Variants in FHOD3 observed in about 807,000 individuals in gnomAD.
The protein encoded by FHOD3 is FH1/FH2 domain-containing protein 3.
A neutral mutation model predicts 173.0 loss-of-function variants in FHOD3; 90 were observed. That is an observed-to-expected ratio of 0.52 (90% CI 0.44 to 0.62). FHOD3 has a LOEUF of 0.62. Among genes scored for constraint, FHOD3 ranks in the 20% least tolerant of loss-of-function variants. The pLI is 0.00. For missense variants in FHOD3, 1,945 were observed against 2,034.7 expected, an observed-to-expected ratio of 0.96 and a Z score of 0.85; for synonymous variants, 828 against 823.0, an observed-to-expected ratio of 1.01 and a Z score of -0.10.
At chr18:36,354,826 T>A (rs542670555) in intron 1 of FHOD3, among the ~76,000 whole-genome samples, 84 of 146,212 alleles carry the variant, frequency 5.7e-4, no homozygotes, top group Admixed American at 2.7e-3. Context: ...AAAATAAAAA[T>A]TTTTAAAAAT....
intron 20 of FHOD3, among the ~76,000 whole-genome samples, chr18:36,736,850 A>G (rs1210078495): frequency 1.3e-5 from 2 of 152,062 alleles, no homozygotes; most frequent in Non-Finnish European, 2.9e-5. Context: ...TTTGCCAGGC[A>G]CCCCACCCTT....
intron 3 of FHOD3, among the ~76,000 whole-genome samples, chr18:36,500,666 A>G (rs539887712): frequency 2.0e-5 from 3 of 152,240 alleles, no homozygotes; most frequent in Non-Finnish European, 4.4e-5. Context: ...TTAGAGATGT[A>G]AAGTGTTTTG....
chr18:36,717,769 A>G, intron 18 of FHOD3, 63 bp from the exon 19 acceptor site: 1 of 1,509,842 alleles, frequency 6.6e-7, no homozygotes, highest in Non-Finnish European at 8.9e-7. Context: ...ATTCTCATCG[A>G]TTCTCTCATG....
chr18:36,594,424 CAG>C (rs1491175980), intron 6 of FHOD3, among the ~76,000 whole-genome samples: 1 of 152,146 alleles, frequency 6.6e-6, no homozygotes, highest in Non-Finnish European at 1.5e-5. Context: ...GTCTACCTCA[CAG>C]TGTTATAGCT....
intron 28 of FHOD3, among the ~76,000 whole-genome samples, chr18:36,770,873 G>A (rs1318226824): frequency 6.6e-6 from 1 of 152,158 alleles, no homozygotes. Flanking sequence ...GGCATTAGGT[G>A]TGGGCTCTCT....
intron 1 of FHOD3, among the ~76,000 whole-genome samples, chr18:36,300,763 G>A (rs2091939555): frequency 6.6e-6 from 1 of 151,884 alleles, no homozygotes; most frequent in East Asian, 1.9e-4. Flanking sequence ...TTTGTGACAG[G>A]GTCTCACTCT....
At chr18:36,607,812 A>G (rs1238138397) in intron 8 of FHOD3, among the ~76,000 whole-genome samples, 2 of 152,134 alleles carry the variant, frequency 1.3e-5, no homozygotes, top group Non-Finnish European at 2.9e-5. Context: ...GGACATTGAC[A>G]TATTTCAGCC....
chr18:36,449,207 G>A (rs1481471525), intron 3 of FHOD3, among the ~76,000 whole-genome samples: 2 of 151,930 alleles, frequency 1.3e-5, no homozygotes, highest in African/African-American at 2.4e-5. Flanking sequence ...CACCTTAGAA[G>A]CTGCCTATAC....
chr18:36,483,920 A>G (rs1400864410), intron 3 of FHOD3, among the ~76,000 whole-genome samples: 1 of 152,186 alleles, frequency 6.6e-6, no homozygotes, highest in Non-Finnish European at 1.5e-5. Flanking sequence ...ACATGCCCCG[A>G]GGTCAGTGGT....
intron 3 of FHOD3, among the ~76,000 whole-genome samples, chr18:36,430,149 A>T (rs2050454231): frequency 6.6e-6 from 1 of 152,174 alleles, no homozygotes; most frequent in Non-Finnish European, 1.5e-5. Flanking sequence ...GGTGTTAATG[A>T]TCTAAATTAC....
intron 19 of FHOD3, among the ~76,000 whole-genome samples, chr18:36,719,199 T>C (rs1178693865): frequency 6.6e-6 from 1 of 152,232 alleles, no homozygotes; most frequent in Non-Finnish European, 1.5e-5. Flanking sequence ...TTGGCCCTGA[T>C]CAAGCCAGCA....
chr18:36,661,145 A>G (rs963506647), intron 14 of FHOD3, among the ~76,000 whole-genome samples: 2 of 151,466 alleles, frequency 1.3e-5, no homozygotes, highest in Admixed American at 1.3e-4. Flanking sequence ...AAATAAGAGG[A>G]TCTTCTAACT....
At position 36,742,809 on chromosome 18, in the gene FHOD3, A is replaced by G. The variant is rs752864429; in HGVS notation, c.3832A>G (p.Ile1278Val). 1.9e-6 allele frequency: 3 copies of G among 1,614,082 alleles called. No homozygotes were observed. In the South Asian group the frequency reaches 3.3e-5, roughly 18 times the overall value. ...QLENNKTLGFILSTLLAIGNF... is the reference protein window; with the variant it reads ...QLENNKTLGFVLSTLLAIGNF... ...GGAGAACAATAAAACCTTGGGCTTT[A>G]TCCTGTCTACTCTCTTAGCCATTGG... The change falls in exon 22 of 29, where the codon ATC (isoleucine) becomes GTC (valine). Residue 1278 changes from isoleucine (I) to valine (V), a missense_variant. Ile to Val is a conservative substitution (Grantham distance 29). Coordinates refer to ENST00000590592, the MANE Select transcript of FHOD3 (RefSeq NM_001281740.3).
intron 5 of FHOD3, among the ~76,000 whole-genome samples, chr18:36,516,378 G>A (rs972558636): frequency 6.6e-6 from 1 of 152,188 alleles, no homozygotes; most frequent in African/African-American, 2.4e-5. Flanking sequence ...GGGGGGAGAG[G>A]CAGACTGTGG....
At chr18:36,326,077 T>C (rs2044657608) in intron 1 of FHOD3, among the ~76,000 whole-genome samples, 1 of 152,250 alleles carries the variant, frequency 6.6e-6, no homozygotes, top group South Asian at 2.1e-4. Context: ...TCAAGCCATG[T>C]CCAGCTTTTG....
At chr18:36,751,101 C>T (rs546823852) in intron 24 of FHOD3, among the ~76,000 whole-genome samples, 1 of 152,344 alleles carries the variant, frequency 6.6e-6, no homozygotes, top group African/African-American at 2.4e-5. Flanking sequence ...ACTAATCCTT[C>T]CAATTCATGA....
At chr18:36,399,237 A>G (rs2048691518) in intron 3 of FHOD3, among the ~76,000 whole-genome samples, 1 of 152,026 alleles carries the variant, frequency 6.6e-6, no homozygotes, top group African/African-American at 2.4e-5. Context: ...GGCCTGGCCC[A>G]ATTTCAGTGT....
rs760598098 is a variant in FHOD3, at chr18:36,671,041, T to A, written c.1836-10395T>A. Among the ~76,000 whole-genome samples the A allele has an allele frequency of 1.3e-4, 20 of 152,264 alleles. 1 individual carries two copies. The highest frequency in any genetic ancestry group is 6.2e-4 in the South Asian group (3 of 4,836). ...TATATAATTTCCAGACACTGTTTGC[T>A]CTAATTCATTTGGATAGTTCTTTCA... is the stretch of plus-strand genomic sequence containing the variant. On this transcript the variant is annotated intron_variant, in intron 14 of 28. Coordinates refer to ENST00000590592, the MANE Select transcript of FHOD3 (RefSeq NM_001281740.3).
In FHOD3 at chr18:36,346,836, C is replaced by A. The variant is rs541326976; in HGVS notation, c.166-8703C>A. Among the ~76,000 whole-genome samples the A allele has an allele frequency of 2.0e-5, 3 of 152,362 alleles. No individual in the cohort carries two copies. The South Asian group carries it at 6.2e-4, about 32-fold the overall frequency. On this transcript the variant is annotated intron_variant, in intron 1 of 28. Coordinates refer to ENST00000590592, the MANE Select transcript of FHOD3 (RefSeq NM_001281740.3). ...TCTACTTTGGGCAGTGAGGCTCCCC[C>A]TCCATGGCCGGTGGCCTGCCTCCCT...
Sources: gnomAD v4.1 joint callset for allele counts (sites outside exome capture counted in the v4.1 genomes callset) on GRCh38, gnomAD v4.1.1 for gene constraint, MANE v1.5 for transcripts, NCBI Gene and HGNC (gene_info 2026-07-23, HGNC 2026-07-21) for gene names.